GPHN: variants seen among roughly 807,000 people sequenced by gnomAD.
GPHN encodes the protein gephyrin.
Under a neutral mutation model 95.5 loss-of-function variants are expected in GPHN, and 17 were observed. That is an observed-to-expected ratio of 0.18 (90% CI 0.12 to 0.27). The LOEUF is 0.27. Ranked by LOEUF, GPHN falls within the 10% of genes least tolerant of loss-of-function variation. GPHN has a pLI of 1.00. For missense variants in GPHN, 660 were observed against 978.1 expected (o/e 0.67, Z 4.34); for synonymous variants, 320 against 322.5 (o/e 0.99, Z 0.08).
chr14:66,940,019 G>A (rs376129469), intron 8 of GPHN, among the ~76,000 whole-genome samples: 3 of 152,112 alleles, frequency 2.0e-5, no homozygotes, highest in Non-Finnish European at 4.4e-5. Context: ...GGAGAAGGGG[G>A]ACCAAAAGCT....
At chr14:67,579,045 G>T in the GPHN span, 1 of 851,232 alleles carries the variant, frequency 1.2e-6, no homozygotes, top group Non-Finnish European at 1.9e-6. Context: ...CTACAGTTTT[G>T]GTCCTGGCTG....
chr14:66,598,504 C>T (rs773640017), intron 1 of GPHN, among the ~76,000 whole-genome samples: 36 of 152,052 alleles, frequency 2.4e-4, no homozygotes, highest in Non-Finnish European at 7.4e-5. Flanking sequence ...AAAAGATGCA[C>T]TTGCTTTCAC....
chr14:66,779,766 T>C (rs529587670), intron 3 of GPHN, among the ~76,000 whole-genome samples: 1 of 152,282 alleles, frequency 6.6e-6, no homozygotes, highest in African/African-American at 2.4e-5. Flanking sequence ...GAAGCAGGCC[T>C]TTATCCCATG....
intron 1 of GPHN, among the ~76,000 whole-genome samples, chr14:66,572,047 A>G (rs566424319): frequency 1.5e-4 from 23 of 152,298 alleles, no homozygotes; most frequent in Non-Finnish European, 2.6e-4. Flanking sequence ...TCCATTGTGC[A>G]TTCTTGACAT....
chr14:66,832,470 T>C (rs1047457033), intron 4 of GPHN, among the ~76,000 whole-genome samples: 7 of 152,220 alleles, frequency 4.6e-5, no homozygotes, highest in Non-Finnish European at 8.8e-5. Flanking sequence ...GGTGGATATG[T>C]CTTAAAAATA....
chr14:66,734,487 T>G (rs2072079635), intron 2 of GPHN, among the ~76,000 whole-genome samples: 1 of 152,184 alleles, frequency 6.6e-6, no homozygotes, highest in Non-Finnish European at 1.5e-5. Context: ...CCTCTTCAGA[T>G]AGGCCTTCTC....
At chr14:67,492,429 T>G in the GPHN span, among the ~76,000 whole-genome samples, 2 of 152,162 alleles carry the variant, frequency 1.3e-5, no homozygotes, top group South Asian at 4.1e-4. Flanking sequence ...CAGCAAGCCT[T>G]CTCCTGTCAG....
At chr14:66,948,902 A>G (rs780999928) in intron 8 of GPHN, among the ~76,000 whole-genome samples, 3 of 152,018 alleles carry the variant, frequency 2.0e-5, no homozygotes, top group South Asian at 2.1e-4. Context: ...GGCTCAAGCA[A>G]TCCTCCCGCC....
intron 4 of GPHN, among the ~76,000 whole-genome samples, chr14:66,843,752 C>G (rs952632628): frequency 1.3e-5 from 2 of 152,164 alleles, no homozygotes; most frequent in Non-Finnish European, 2.9e-5. Context: ...CAGTTTGCTC[C>G]TAAACTGACT....
chr14:67,397,794 C>T, the GPHN span: 2 of 1,612,666 alleles, frequency 1.2e-6, no homozygotes, highest in Non-Finnish European at 1.7e-6. Flanking sequence ...GAAGGATGAA[C>T]CATCGCGCCT....
At chr14:66,576,970 T>C (rs2060931142) in intron 1 of GPHN, among the ~76,000 whole-genome samples, 1 of 152,216 alleles carries the variant, frequency 6.6e-6, no homozygotes, top group South Asian at 2.1e-4. Context: ...TAAATCAATG[T>C]CTGTGTCATT....
chr14:66,815,613 A>G (rs1254609332), intron 3 of GPHN, among the ~76,000 whole-genome samples: 3 of 152,206 alleles, frequency 2.0e-5, no homozygotes, highest in Non-Finnish European at 2.9e-5. Flanking sequence ...AGCAAATGCT[A>G]AGGAAATTTA....
chr14:66,603,737 T>TAGGTC (rs567871144), intron 1 of GPHN, among the ~76,000 whole-genome samples: 42 of 152,134 alleles, frequency 2.8e-4, no homozygotes, highest in African/African-American at 8.2e-4. Context: ...CTTGATAAGT[T>TAGGTC]AGGTCACTTT....
At chr14:67,258,233 T>C in the GPHN span, among the ~76,000 whole-genome samples, 4 of 152,020 alleles carry the variant, frequency 2.6e-5, no homozygotes, top group Non-Finnish European at 4.4e-5. Flanking sequence ...AAGGTACTCA[T>C]CCATAAAAAT....
chr14:66,926,456 A>G (rs981478424), intron 8 of GPHN, among the ~76,000 whole-genome samples: 4 of 152,094 alleles, frequency 2.6e-5, no homozygotes, highest in African/African-American at 9.7e-5. Flanking sequence ...TCTAGTTTTA[A>G]TAATCTGCAT....
intron 8 of GPHN, among the ~76,000 whole-genome samples, chr14:66,955,897 A>G (rs1484093930): frequency 1.8e-4 from 28 of 151,992 alleles, no homozygotes; most frequent in Non-Finnish European, 2.9e-5. Context: ...TCCTTTTTTT[A>G]TGGCTGCATA....
At chr14:66,959,397 G>A (rs753305953) in intron 8 of GPHN, among the ~76,000 whole-genome samples, 1 of 151,830 alleles carries the variant, frequency 6.6e-6, no homozygotes. Flanking sequence ...TTACTATCTA[G>A]TTTCTTTTTA....
intron 3 of GPHN, among the ~76,000 whole-genome samples, chr14:66,814,890 C>G (rs1038044088): frequency 9.9e-5 from 15 of 152,108 alleles, no homozygotes; most frequent in Admixed American, 9.8e-4. Flanking sequence ...TGTTGAAACT[C>G]AGTGCAAAGA....
intron 11 of GPHN, among the ~76,000 whole-genome samples, chr14:67,078,298 G>A (rs2076571090): frequency 6.6e-6 from 1 of 152,210 alleles, no homozygotes; most frequent in African/African-American, 2.4e-5. Context: ...TGGGGCAACT[G>A]GTAAAAGGAA....
Sources: gnomAD v4.1 joint callset for allele counts (sites outside exome capture counted in the v4.1 genomes callset) on GRCh38, gnomAD v4.1.1 for gene constraint, MANE v1.5 for transcripts, NCBI Gene and HGNC (gene_info 2026-07-23, HGNC 2026-07-21) for gene names.